Variants in CCBE1 observed in about 807,000 individuals in gnomAD.
CCBE1 encodes the protein collagen and calcium-binding EGF domain-containing protein 1.
CCBE1 carries 37 observed loss-of-function variants against 50.0 expected under a neutral mutation model. That is an observed-to-expected ratio of 0.74 (90% CI 0.57 to 0.97). The LOEUF is 0.97. CCBE1 is among the 50% of genes least tolerant of loss of function. The pLI is 0.00. For missense variants in CCBE1, 538 were observed against 523.8 expected (o/e 1.03, Z -0.26); for synonymous variants, 234 against 203.7 (o/e 1.15, Z -1.27).
intron 3 of CCBE1, among the ~76,000 whole-genome samples, chr18:59,471,841 T>C (rs1352243145): frequency 1.3e-5 from 2 of 152,248 alleles, no homozygotes; most frequent in African/African-American, 2.4e-5. Flanking sequence ...GAAAGCCTAA[T>C]ATCAGCCTTT....
chr18:59,520,875 C>G (rs1914569077), intron 2 of CCBE1, among the ~76,000 whole-genome samples: 1 of 152,244 alleles, frequency 6.6e-6, no homozygotes, highest in Non-Finnish European at 1.5e-5. Context: ...CAATTTGGCA[C>G]AATGCCTCCT....
At chr18:59,484,688 G>C (rs1376950076) in intron 2 of CCBE1, among the ~76,000 whole-genome samples, 1 of 152,194 alleles carries the variant, frequency 6.6e-6, no homozygotes, top group African/African-American at 2.4e-5. Context: ...GCTTAGCTAA[G>C]AATTTCCCCT....
chr18:59,675,427 A>G (rs1442112751), intron 2 of CCBE1, among the ~76,000 whole-genome samples: 1 of 152,208 alleles, frequency 6.6e-6, no homozygotes, highest in South Asian at 2.1e-4. Context: ...ACCTACAGCA[A>G]CTTTACATCT....
At chr18:59,457,106 A>C (rs2143683232) in intron 5 of CCBE1, among the ~76,000 whole-genome samples, 1 of 152,168 alleles carries the variant, frequency 6.6e-6, no homozygotes, top group South Asian at 2.1e-4. Flanking sequence ...AAACACTTGA[A>C]CCTCTGCAAA....
At chr18:59,696,576 C>A in intron 2 of CCBE1, 53 bp downstream of exon 2, 1 of 1,610,046 alleles carries the variant, frequency 6.2e-7, no homozygotes, top group South Asian at 1.1e-5. Flanking sequence ...CGCCGCCTCC[C>A]CAGCCAGCCC....
chr18:59,633,731 GT>G lies in CCBE1; in HGVS notation c.212+62897del, dbSNP rs565486478. Among the ~76,000 whole-genome samples, 463 of 140,168 alleles carry G rather than the reference GT, an allele frequency of 3.3e-3. 1 individual carries two copies. The highest frequency in any genetic ancestry group is 7.0e-3 in the South Asian group (31 of 4,418). The allele number at this position is 140,168 out of a possible 152,430, so 92.0% of individuals were successfully genotyped here. On this transcript the variant is annotated intron_variant, in intron 2 of 10. Transcript: ENST00000439986. ...CTGCTTCTTCCTAAATTTAGGGTTTGTTTTTTTTTTTTTAAAATAAAACCTA... is the reference window on the plus strand; with the variant it reads ...CTGCTTCTTCCTAAATTTAGGGTTTGTTTTTTTTTTTTAAAATAAAACCTA...
At chr18:59,462,686 A>T (rs1246977719) in intron 5 of CCBE1, among the ~76,000 whole-genome samples, 11 of 149,602 alleles carry the variant, frequency 7.4e-5, no homozygotes, top group African/African-American at 2.7e-4. Context: ...ACCTGACCTA[A>T]TTTTTTTTTT....
intron 2 of CCBE1, among the ~76,000 whole-genome samples, chr18:59,615,472 G>C (rs1342634331): frequency 6.6e-6 from 1 of 150,774 alleles, no homozygotes; most frequent in Non-Finnish European, 1.5e-5. Flanking sequence ...GCCTTTTCCT[G>C]GTCAAGCCTG....
intron 3 of CCBE1, among the ~76,000 whole-genome samples, chr18:59,473,376 T>C (rs916587328): frequency 6.6e-6 from 1 of 152,042 alleles, no homozygotes; most frequent in African/African-American, 2.4e-5. Flanking sequence ...GAATCACATC[T>C]TTTTTCCTCC....
At chr18:59,655,717 C>T (rs2054180148) in intron 2 of CCBE1, among the ~76,000 whole-genome samples, 1 of 152,206 alleles carries the variant, frequency 6.6e-6, no homozygotes, top group Non-Finnish European at 1.5e-5. Flanking sequence ...AAGACAATTC[C>T]ATCAGAACAT....
At chr18:59,670,000 G>A (rs1321001127) in intron 2 of CCBE1, among the ~76,000 whole-genome samples, 1 of 152,158 alleles carries the variant, frequency 6.6e-6, no homozygotes, top group East Asian at 1.9e-4. Flanking sequence ...AGTGACTTAA[G>A]ATAGATGTTT....
intron 2 of CCBE1, among the ~76,000 whole-genome samples, chr18:59,634,184 A>C (rs969075639): frequency 6.6e-6 from 1 of 152,258 alleles, no homozygotes; most frequent in Non-Finnish European, 1.5e-5. Context: ...TCAAAGGGCT[A>C]TACTCTTAAT....
intron 2 of CCBE1, among the ~76,000 whole-genome samples, chr18:59,511,291 G>A (rs966091874): frequency 2.0e-5 from 3 of 152,216 alleles, no homozygotes; most frequent in African/African-American, 7.2e-5. Flanking sequence ...GAGCACTGAT[G>A]ATGGCACTAA....
intron 2 of CCBE1, among the ~76,000 whole-genome samples, chr18:59,561,940 T>C (rs1244421546): frequency 1.3e-5 from 2 of 152,174 alleles, no homozygotes; most frequent in African/African-American, 2.4e-5. Context: ...ATGTTTTACC[T>C]GCCTATTGCC....
intron 2 of CCBE1, among the ~76,000 whole-genome samples, chr18:59,515,954 T>C (rs1324493595): frequency 6.6e-6 from 1 of 151,750 alleles, no homozygotes; most frequent in Admixed American, 6.6e-5. Flanking sequence ...CAAGCAACAT[T>C]TGTGCTTTTA....
chr18:59,642,271 A>G (rs531846829), intron 2 of CCBE1, among the ~76,000 whole-genome samples: 22 of 152,320 alleles, frequency 1.4e-4, no homozygotes, highest in African/African-American at 5.3e-4. Context: ...AATCAGAGAA[A>G]TGCAAATTAA....
chr18:59,598,495 G>C (rs912949300), intron 2 of CCBE1, among the ~76,000 whole-genome samples: 3 of 152,244 alleles, frequency 2.0e-5, no homozygotes, highest in African/African-American at 4.8e-5. Context: ...CAGGTTTGAG[G>C]AATCTGGGAA....
chr18:59,655,941 T>A (rs540519720), intron 2 of CCBE1, among the ~76,000 whole-genome samples: 7 of 152,314 alleles, frequency 4.6e-5, no homozygotes, highest in Non-Finnish European at 1.0e-4. Flanking sequence ...TGACAGCAAG[T>A]CTAGGATGTT....
chr18:59,658,395 ATATATATATATATATATAT>A (rs2054232297), intron 2 of CCBE1, among the ~76,000 whole-genome samples: 1 of 51,326 alleles, frequency 1.9e-5, no homozygotes, highest in African/African-American at 7.2e-5. Flanking sequence ...ATATATATAT[ATATATATATATATATATAT>A]ATAAAGTTAG....
Sources: allele counts gnomAD v4.1 joint callset (sites outside exome capture counted in the v4.1 genomes callset), GRCh38; gene constraint gnomAD v4.1.1; transcripts MANE v1.5; gene names NCBI Gene and HGNC (gene_info 2026-07-23, HGNC 2026-07-21).